Variants in NGEF observed in about 807,000 individuals in gnomAD.
NGEF encodes neuronal guanine nucleotide exchange factor.
In NGEF, 31 loss-of-function variants were observed where a neutral mutation model predicts 80.9. The ratio of observed to expected loss-of-function variants is 0.38; its 90% confidence interval spans 0.29 to 0.52. NGEF has a LOEUF of 0.52. Ranked by LOEUF, NGEF falls within the 20% of genes least tolerant of loss-of-function variation. The probability of loss-of-function intolerance (pLI) is 0.84; values close to 1 mark genes in which losing one functional copy is unlikely to be tolerated. For synonymous variants in NGEF, 371 were observed against 370.2 expected (o/e 1.00, Z -0.03); for missense variants, 709 against 926.2 (o/e 0.77, Z 3.04).
chr2:232,957,530 C>G (rs1693854784), intron 3 of NGEF, among the ~76,000 whole-genome samples: 2 of 152,298 alleles, frequency 1.3e-5, no homozygotes, highest in Non-Finnish European at 2.9e-5. Context: ...GCCATGTTAG[C>G]CAGGGTGGTC....
chr2:232,917,311 G>A (rs997244605), intron 5 of NGEF, among the ~76,000 whole-genome samples: 4 of 152,186 alleles, frequency 2.6e-5, no homozygotes, highest in African/African-American at 4.8e-5. Context: ...ATTAGATGGT[G>A]TATTATGGCT....
chr2:232,986,105 C>T (rs1307047274), intron 1 of NGEF, among the ~76,000 whole-genome samples: 1 of 151,940 alleles, frequency 6.6e-6, no homozygotes, highest in Non-Finnish European at 1.5e-5. Context: ...AAAACAGATA[C>T]ATGAAAAAAT....
intron 1 of NGEF, among the ~76,000 whole-genome samples, chr2:232,983,034 C>G (rs1694469163): frequency 6.6e-6 from 1 of 152,216 alleles, no homozygotes; most frequent in Non-Finnish European, 1.5e-5. Context: ...GGTGGAGAAG[C>G]CAATCAATCA....
intron 9 of NGEF, among the ~76,000 whole-genome samples, chr2:232,886,567 CT>C (rs1211582777): frequency 2.6e-5 from 4 of 152,092 alleles, no homozygotes; most frequent in African/African-American, 9.7e-5. Context: ...TCTGAGTTTC[CT>C]GGTATTGAGT....
intron 1 of NGEF, among the ~76,000 whole-genome samples, chr2:233,005,171 G>A (rs1323062577): frequency 6.6e-6 from 1 of 152,202 alleles, no homozygotes; most frequent in Admixed American, 6.5e-5. Context: ...TGCCCCCAAT[G>A]TGCCATTTCT....
At chr2:232,937,116 C>T (rs1022345935) in intron 3 of NGEF, among the ~76,000 whole-genome samples, 7 of 152,074 alleles carry the variant, frequency 4.6e-5, no homozygotes, top group Non-Finnish European at 1.0e-4. Flanking sequence ...ATTACAGGTG[C>T]GCACCACCAT....
intron 5 of NGEF, among the ~76,000 whole-genome samples, chr2:232,913,664 T>C (rs1283586730): frequency 2.6e-5 from 4 of 152,172 alleles, no homozygotes; most frequent in Non-Finnish European, 5.9e-5. Flanking sequence ...CTCACACCTG[T>C]AATCCCAGCA....
intron 9 of NGEF, 69 bp downstream of exon 9, chr2:232,887,964 G>T: frequency 1.7e-6 from 2 of 1,178,182 alleles, no homozygotes; most frequent in Non-Finnish European, 2.6e-6. Context: ...GGGGAGCAGG[G>T]CCGGAAAGGT....
intron 3 of NGEF, among the ~76,000 whole-genome samples, chr2:232,952,255 A>C (rs1311186106): frequency 6.6e-6 from 1 of 152,234 alleles, no homozygotes; most frequent in African/African-American, 2.4e-5. Flanking sequence ...CTTAAGAATC[A>C]TTTTGATGCA....
chr2:233,009,986 C>T (rs1006666863), intron 1 of NGEF, among the ~76,000 whole-genome samples: 5 of 152,142 alleles, frequency 3.3e-5, no homozygotes, highest in African/African-American at 4.8e-5. Context: ...CAACCTCTGC[C>T]TCCTGGGTTC....
intron 5 of NGEF, chr2:232,901,393 C>T (rs992506955): frequency 3.0e-6 from 3 of 985,500 alleles, no homozygotes; most frequent in South Asian, 4.7e-5. Flanking sequence ...CAGGGTTCGC[C>T]GTGGACCTCT....
intron 1 of NGEF, among the ~76,000 whole-genome samples, chr2:232,999,477 A>T (rs1694926005): frequency 6.6e-6 from 1 of 152,192 alleles, no homozygotes; most frequent in Non-Finnish European, 1.5e-5. Flanking sequence ...AGCCACTCTA[A>T]GCCAGGTGGG....
intron 12 of NGEF, among the ~76,000 whole-genome samples, chr2:232,882,903 C>T (rs1382244346): frequency 6.6e-6 from 1 of 152,184 alleles, no homozygotes; most frequent in East Asian, 1.9e-4. Context: ...GTCCCAGCTG[C>T]TCAGAGAGGT....
intron 3 of NGEF, among the ~76,000 whole-genome samples, chr2:232,960,441 CCTT>C (rs1274236198): frequency 2.0e-5 from 3 of 152,114 alleles, no homozygotes; most frequent in African/African-American, 7.2e-5. Context: ...GGAACACCCT[CCTT>C]CTCATAGCCG....
chr2:233,002,774 C>A (rs557494881), intron 1 of NGEF, among the ~76,000 whole-genome samples: 2 of 152,204 alleles, frequency 1.3e-5, no homozygotes, highest in Non-Finnish European at 2.9e-5. Context: ...TGTTTCTGTT[C>A]GGAGCTAAGC....
intron 14 of NGEF, among the ~76,000 whole-genome samples, chr2:232,880,125 G>C (rs1691445363): frequency 6.6e-6 from 1 of 152,212 alleles, no homozygotes; most frequent in South Asian, 2.1e-4. Flanking sequence ...AGCTGGCCTG[G>C]ACTGTGTCAT....
rs547529749 is a variant in NGEF at position 232,910,928 on chromosome 2, C to T, written c.828+9356G>A. 1.4e-4 allele frequency among the ~76,000 whole-genome samples: 22 copies of T among 152,248 alleles called. No homozygotes were observed. In the East Asian group the frequency reaches 4.2e-3, roughly 29 times the overall value. ...TCAGTTAAGTAATTTGCAAATATTT[C>T]CTCCCCATCTGTAGCTTCTCTTTTC... On this transcript the variant is annotated intron_variant, in intron 5 of 14. Coordinates refer to ENST00000264051, the MANE Select transcript of NGEF (RefSeq NM_019850.3).
Position 232,920,410 on chromosome 2 carries a change from C to G in NGEF, c.702G>C (p.Lys234Asn), listed in dbSNP as rs1575017023. 4.3e-6 allele frequency: 7 copies of G among 1,614,064 alleles called. No homozygotes were observed. The highest frequency in any genetic ancestry group is 5.9e-6 in the Non-Finnish European group (7 of 1,179,968). ...TGAGCAGGCAGATCTGGGGCAGAGT[C>G]TTCCTCTCTGGTGGGCTGGCCGGCT... ...EEEPASPPER[K>N]TLPQICLLSN... The change falls in exon 5 of 15, where the codon AAG becomes AAC. Residue 234 changes from lysine (K) to asparagine (N), a missense_variant. By Grantham distance (94) the Lys-to-Asn change is moderately conservative. Transcript: ENST00000264051.
At chr2:232,950,492 G>T (rs1047190598) in intron 3 of NGEF, among the ~76,000 whole-genome samples, 1 of 151,668 alleles carries the variant, frequency 6.6e-6, no homozygotes, top group Non-Finnish European at 1.5e-5. Flanking sequence ...CTGTGTGATG[G>T]GTGTTTTGAC....
Sources: allele counts gnomAD v4.1 joint callset (sites outside exome capture counted in the v4.1 genomes callset), GRCh38; gene constraint gnomAD v4.1.1; transcripts MANE v1.5; gene names NCBI Gene and HGNC (gene_info 2026-07-23, HGNC 2026-07-21).